Variants in CAPN8 observed in about 807,000 individuals in gnomAD.
CAPN8 encodes the protein calpain-8.
Under a neutral mutation model 80.9 loss-of-function variants are expected in CAPN8, and 87 were observed. The observed-to-expected ratio is 1.07, with a 90% confidence interval of 0.90 to 1.28. The LOEUF (loss-of-function observed/expected upper bound fraction) is 1.28, where lower values mean the gene tolerates loss of function less well. Ranked by LOEUF, CAPN8 falls within the 50% of genes most tolerant of loss-of-function variation. The pLI is 0.00. For synonymous variants in CAPN8, 299 were observed against 273.8 expected (o/e 1.09, Z -0.91); for missense variants, 757 against 702.0 (o/e 1.08, Z -0.89).
At chr1:223,545,364 T>A in intron 16 of CAPN8, 65 bp from the exon 17 acceptor site, 1 of 1,549,316 alleles carries the variant, frequency 6.5e-7, no homozygotes, top group Non-Finnish European at 8.7e-7. Context: ...TTTCTTTCTC[T>A]TGTGAGCTTG....
Position 223,627,088 on chromosome 1 carries a change from G to A in CAPN8, c.630C>T (p.Gly210=). ...TVEGFEDFTG[G]ISEFYDLKKP... ...TCTTCAGGTCATAAAACTCAGAGAT[G>A]CCACCTGTGAAATCCTCAAACCCCT... is the stretch of plus-strand genomic sequence containing the variant. The change falls in exon 5 of 21, where the codon GGC becomes GGT. Residue 210 remains glycine, a synonymous_variant. Coordinates refer to ENST00000366872, the MANE Select transcript of CAPN8 (RefSeq NM_001143962.2). 6.4e-7 allele frequency: 1 copy of A among 1,552,288 alleles called. No individual in the cohort carries two copies. The highest frequency in any genetic ancestry group is 1.2e-5 in the South Asian group (1 of 84,056).
At chr1:223,663,592 G>C (rs1311581683) in intron 1 of CAPN8, among the ~76,000 whole-genome samples, 9 of 152,172 alleles carry the variant, frequency 5.9e-5, no homozygotes, top group Admixed American at 5.2e-4. Context: ...CAGAGCCCAT[G>C]CCTGGCACAA....
intron 2 of CAPN8, among the ~76,000 whole-genome samples, chr1:223,637,083 C>A (rs1007322043): frequency 6.6e-6 from 1 of 152,186 alleles, no homozygotes; most frequent in Non-Finnish European, 1.5e-5. Context: ...GAAGACTTCG[C>A]GTATATCATG....
intron 1 of CAPN8, among the ~76,000 whole-genome samples, chr1:223,664,342 C>T (rs1039507373): frequency 1.3e-5 from 2 of 152,202 alleles, no homozygotes; most frequent in Non-Finnish European, 2.9e-5. Context: ...AATTTACCTG[C>T]CAGCTGATTG....
At chr1:223,621,899 C>A (rs944928144) in intron 7 of CAPN8, among the ~76,000 whole-genome samples, 10 of 152,000 alleles carry the variant, frequency 6.6e-5, no homozygotes, top group African/African-American at 2.4e-4. Flanking sequence ...CTCTGTTGCC[C>A]AAGCTGGAAT....
At chr1:223,612,189 G>A in intron 11 of CAPN8, 57 bp downstream of exon 11, 2 of 1,226,068 alleles carry the variant, frequency 1.6e-6, no homozygotes, top group Non-Finnish European at 2.0e-6. Flanking sequence ...TGCCCATCCT[G>A]AAGGCAGCCA....
intron 1 of CAPN8, among the ~76,000 whole-genome samples, chr1:223,662,852 T>A (rs4653523): frequency 6.6e-6 from 1 of 152,094 alleles, no homozygotes; most frequent in South Asian, 2.1e-4. Flanking sequence ...ATGTTCCTCA[T>A]AGAGATAGGA....
chr1:223,543,534 C>A (rs979496094), intron 19 of CAPN8, among the ~76,000 whole-genome samples: 3 of 152,166 alleles, frequency 2.0e-5, no homozygotes, highest in African/African-American at 7.2e-5. Context: ...TTGTCTCTGG[C>A]TAACTGACCT....
At chr1:223,616,339 A>T (rs2102701554) in intron 9 of CAPN8, among the ~76,000 whole-genome samples, 194 bp from the exon 10 acceptor site, 1 of 152,302 alleles carries the variant, frequency 6.6e-6, no homozygotes, top group Middle Eastern at 3.4e-3. Flanking sequence ...ACACATCCAC[A>T]CACACAGACA....
In CAPN8 at chr1:223,543,076, G is replaced by C; in HGVS notation, c.2088+32C>G. On this transcript the variant is annotated intron_variant, in intron 20 of 20. Coordinates refer to ENST00000366872, the MANE Select transcript of CAPN8 (RefSeq NM_001143962.2). Reference sequence around the variant, plus strand: ...GTCCAAGAATTTCAGAGTACCATCAGCCAGCAATTCATCAAACCTCAGGAC... The same window carrying C: ...GTCCAAGAATTTCAGAGTACCATCACCCAGCAATTCATCAAACCTCAGGAC... The C allele has an allele frequency of 1.9e-6, 3 of 1,550,992 alleles. No homozygotes were observed. The South Asian group carries it at 3.6e-5, about 18-fold the overall frequency.
rs75014966 is a variant in CAPN8, at chr1:223,641,157, G to A, written c.308-12377C>T. Among the ~76,000 whole-genome samples, 490 of 152,166 alleles carry A rather than the reference G, an allele frequency of 3.2e-3. 15 individuals are homozygous for A. The East Asian group carries it at 0.064, about 20-fold the overall frequency. Reference sequence around the variant, plus strand: ...TGATTCTTCCTCAAAACTCAAGCAGGAAGCAAAAAGTGTTGCTTCCTGCTG... The same window carrying A: ...TGATTCTTCCTCAAAACTCAAGCAGAAAGCAAAAAGTGTTGCTTCCTGCTG... On this transcript the variant is annotated intron_variant, in intron 2 of 20. Coordinates refer to ENST00000366872, the MANE Select transcript of CAPN8 (RefSeq NM_001143962.2).
In CAPN8 at chr1:223,654,340, C is replaced by G. The variant is rs1376858508; in HGVS notation, c.297G>C (p.Gln99His). The G allele has an allele frequency of 8.4e-6, 13 of 1,551,616 alleles. No homozygotes were observed. In the East Asian group the frequency reaches 3.2e-4, roughly 38 times the overall value. Reference protein sequence around the residue: ...VGGATRTDICQGGLGDCWLLA... With the variant: ...VGGATRTDICHGGLGDCWLLA... Reference sequence around the variant, plus strand: ...TCCCCAGTTACTCACCTAGACCACCCTGACAAATGTCTGTGCGCGTGGCTC... The same window carrying G: ...TCCCCAGTTACTCACCTAGACCACCGTGACAAATGTCTGTGCGCGTGGCTC... Residue 99 changes from glutamine (Q) to histidine (H), a missense_variant, in exon 2 of 21, where the codon CAG becomes CAC. Physicochemically the swap from Gln to His is conservative, Grantham distance 24 (BLOSUM62 0). Coordinates refer to ENST00000366872, the MANE Select transcript of CAPN8 (RefSeq NM_001143962.2).
chr1:223,643,887 G>A (rs1319952703), intron 2 of CAPN8, among the ~76,000 whole-genome samples: 1 of 152,172 alleles, frequency 6.6e-6, no homozygotes, highest in East Asian at 1.9e-4. Context: ...AGTCTGTCCA[G>A]CGCGTACAGT....
intron 1 of CAPN8, among the ~76,000 whole-genome samples, chr1:223,656,667 GGTTTTTTTGTTTT>G (rs1351426362): frequency 1.7e-5 from 2 of 118,120 alleles, no homozygotes; most frequent in South Asian, 3.3e-4. Context: ...ACACGTTTTG[GGTTTTTTTGTTTT>G]GTTTTTTTTT....
rs1313619337 is a variant in CAPN8 at position 223,641,371 on chromosome 1, A to G, written c.308-12591T>C. Among the ~76,000 whole-genome samples the G allele has an allele frequency of 4.6e-5, 7 of 151,784 alleles. No individual in the cohort carries two copies. The East Asian group carries it at 1.2e-3, about 25-fold the overall frequency. On this transcript the variant is annotated intron_variant, in intron 2 of 20. Transcript: ENST00000366872. ...ATACTGATCAAGCCTTTTTTTAAAA[A>G]AAAAAAAACTGTTTACTAAGAAATG...
chr1:223,661,655 AG>A (rs1258092388), intron 1 of CAPN8, among the ~76,000 whole-genome samples: 3 of 152,182 alleles, frequency 2.0e-5, no homozygotes, highest in Non-Finnish European at 4.4e-5. Flanking sequence ...AAAAAATGAA[AG>A]AAAATAACAA....
intron 6 of CAPN8, 63 bp from the exon 7 acceptor site, chr1:223,622,963 T>C: frequency 1.6e-5 from 20 of 1,279,010 alleles, no homozygotes; most frequent in Non-Finnish European, 2.2e-5. Flanking sequence ...TGCAGGCATG[T>C]CTGCACCTGA....
intron 2 of CAPN8, among the ~76,000 whole-genome samples, chr1:223,644,697 G>A (rs760062577): frequency 8.5e-5 from 13 of 152,112 alleles, no homozygotes; most frequent in Admixed American, 6.6e-4. Flanking sequence ...AAGGTCTCCC[G>A]GCTCCTGCAT....
intron 13 of CAPN8, 94 bp downstream of exon 13, chr1:223,558,037 C>G (rs1269499829): frequency 2.5e-6 from 1 of 398,046 alleles, no homozygotes; most frequent in Non-Finnish European, 4.4e-6. Context: ...AAGTTATCAT[C>G]CTTAATACAT....
Sources: gnomAD v4.1 joint callset for allele counts (sites outside exome capture counted in the v4.1 genomes callset) on GRCh38, gnomAD v4.1.1 for gene constraint, MANE v1.5 for transcripts, NCBI Gene and HGNC (gene_info 2026-07-23, HGNC 2026-07-21) for gene names.